The following SEC24B variants were observed in gnomAD, a reference collection of about 807,000 sequenced individuals.
SEC24B encodes SEC24 homolog B, COPII component.
Under a neutral mutation model 142.8 loss-of-function variants are expected in SEC24B, and 45 were observed. The ratio of observed to expected loss-of-function variants is 0.32; its 90% CI spans 0.25 to 0.40. SEC24B has a LOEUF of 0.40. Ranked by LOEUF, SEC24B falls within the 10% of genes least tolerant of loss-of-function variation. The pLI is 1.00. For synonymous variants in SEC24B, 574 were observed against 568.2 expected (o/e 1.01, Z -0.15); for missense variants, 1,409 against 1,526.8 (o/e 0.92, Z 1.29).
At chr4:109,485,998 A>G (rs1017691739) in intron 4 of SEC24B, among the ~76,000 whole-genome samples, 55 of 151,438 alleles carry the variant, frequency 3.6e-4, no homozygotes, top group African/African-American at 9.2e-4. Flanking sequence ...AAAGCTGAGG[A>G]AAAAAAAACA....
At chr4:109,520,936 G>A (rs1428499823) in intron 12 of SEC24B, among the ~76,000 whole-genome samples, 181 bp from the exon 13 acceptor site, 1 of 152,184 alleles carries the variant, frequency 6.6e-6, no homozygotes, top group Non-Finnish European at 1.5e-5. Flanking sequence ...AGGTTGCAGT[G>A]AGCCGAGATC....
intron 1 of SEC24B, among the ~76,000 whole-genome samples, chr4:109,461,044 A>G (rs866626921): frequency 6.6e-6 from 1 of 152,170 alleles, no homozygotes; most frequent in African/African-American, 2.4e-5. Context: ...CCTGGGGGAA[A>G]TACTTACAGC....
intron 2 of SEC24B, among the ~76,000 whole-genome samples, chr4:109,467,942 C>A (rs2125945820): frequency 6.6e-6 from 1 of 152,174 alleles, no homozygotes; most frequent in East Asian, 1.9e-4. Flanking sequence ...AGCCAAAAGG[C>A]CGAGAAGCGG....
chr4:109,519,558 C>T (rs1193287614), intron 11 of SEC24B, among the ~76,000 whole-genome samples: 2 of 152,206 alleles, frequency 1.3e-5, no homozygotes, highest in Non-Finnish European at 2.9e-5. Flanking sequence ...GTAGTCTCCT[C>T]TAGCCAGTAA....
At chr4:109,473,572 C>A (rs1021484996) in intron 3 of SEC24B, among the ~76,000 whole-genome samples, 1 of 152,046 alleles carries the variant, frequency 6.6e-6, no homozygotes, top group Non-Finnish European at 1.5e-5. Context: ...TATTTCTGTG[C>A]TTTTTGTTAT....
rs140072210 is a variant in SEC24B at position 109,475,855 on chromosome 4, C to T, written c.1060+2669C>T. On this transcript the variant is annotated intron_variant, in intron 3 of 23. Transcript: ENST00000265175. ...TTACACTAGAAACTCTTTTATCACT[C>T]TATTGTGCTTTTCCATGACCATAAT... Among the ~76,000 whole-genome samples the T allele has an allele frequency of 3.4e-3, 521 of 152,162 alleles. 3 individuals are homozygous for T. Among genetic ancestry groups the T allele is most frequent in the Non-Finnish European group, 6.2e-3 (423 of 68,020 alleles).
intron 22 of SEC24B, among the ~76,000 whole-genome samples, chr4:109,534,663 G>A (rs932638566): frequency 6.6e-6 from 1 of 152,128 alleles, no homozygotes; most frequent in African/African-American, 2.4e-5. Context: ...ATCTGAAAGC[G>A]CAAATATAAA....
intron 5 of SEC24B, among the ~76,000 whole-genome samples, chr4:109,493,607 G>A (rs551994119): frequency 2.0e-5 from 3 of 150,532 alleles, no homozygotes; most frequent in South Asian, 2.1e-4. Context: ...TGTTCTAGGA[G>A]CAGGACACTA....
chr4:109,450,385 C>T lies in SEC24B; in HGVS notation c.134-12516C>T, dbSNP rs116697973. Among the ~76,000 whole-genome samples the T allele has an allele frequency of 8.7e-3, 1,320 of 152,004 alleles. 23 individuals are homozygous for T. The highest frequency in any genetic ancestry group is 0.03 in the African/African-American group (1,259 of 41,424). On this transcript the variant is annotated intron_variant, in intron 1 of 23. Transcript: ENST00000265175. ...TCTCAAAATTTCACTCACAGCCAGG[C>T]GCGGTGGCTCACACCTATAATCCCA...
At chr4:109,448,452 A>G (rs1413743590) in intron 1 of SEC24B, among the ~76,000 whole-genome samples, 1 of 152,196 alleles carries the variant, frequency 6.6e-6, no homozygotes, top group Admixed American at 6.5e-5. Context: ...TTGCAAAGAT[A>G]TACAGAAAGT....
chr4:109,453,440 GCCCCCCCCCC>G lies in SEC24B; in HGVS notation c.134-9451_134-9442del, dbSNP rs57883927. Among the ~76,000 whole-genome samples, 2 of 41,078 alleles carry G rather than the reference GCCCCCCCCCC, an allele frequency of 4.9e-5. 1 individual carries two copies. The allele number at this position is 41,078 out of a possible 152,430, so 26.9% of individuals were successfully genotyped here. ...GACATTCCTAGGGTGGCCATTTTAG[GCCCCCCCCCC>G]CCCCCCCCCGAATGGCTGTTAATTA... On this transcript the variant is annotated intron_variant, in intron 1 of 23. Coordinates refer to ENST00000265175, the MANE Select transcript of SEC24B (RefSeq NM_006323.5).
chr4:109,526,662 C>T (rs1235178374), intron 17 of SEC24B, among the ~76,000 whole-genome samples: 1 of 152,070 alleles, frequency 6.6e-6, no homozygotes, highest in Non-Finnish European at 1.5e-5. Flanking sequence ...CCAGCTATGC[C>T]ATTCTTTGTA....
At chr4:109,474,145 G>A (rs777298529) in intron 3 of SEC24B, among the ~76,000 whole-genome samples, 12 of 152,204 alleles carry the variant, frequency 7.9e-5, no homozygotes, top group Non-Finnish European at 1.8e-4. Context: ...TTTAGGAAAA[G>A]TAACTGCAGC....
chr4:109,462,983 T>C lies in SEC24B; in HGVS notation c.216T>C (p.Ser72=). ...ATATTGCTCCCTCAGGACATTACTC[T>C]CAAGGACCTGGGAAAATGACCTCAT... ...QNYIAPSGHY[S]QGPGKMTSLP... Residue 72 remains serine (S), a synonymous_variant, in exon 2 of 24, where the codon TCT becomes TCC. Coordinates refer to ENST00000265175, the MANE Select transcript of SEC24B (RefSeq NM_006323.5). 1 of 1,614,052 alleles carries C rather than the reference T, an allele frequency of 6.2e-7. No individual in the cohort carries two copies. The highest frequency in any genetic ancestry group is 8.5e-7 in the Non-Finnish European group (1 of 1,180,012).
At chr4:109,473,923 A>G (rs1011007541) in intron 3 of SEC24B, among the ~76,000 whole-genome samples, 15 of 152,252 alleles carry the variant, frequency 9.9e-5, no homozygotes, top group African/African-American at 2.9e-4. Context: ...CAACCATTGT[A>G]TTATTTTAGG....
chr4:109,483,534 G>GTTTTA, intron 4 of SEC24B, among the ~76,000 whole-genome samples: 1 of 149,172 alleles, frequency 6.7e-6, no homozygotes, highest in Non-Finnish European at 1.5e-5. Flanking sequence ...TTTCACATTA[G>GTTTTA]GGACTCTCAA....
intron 2 of SEC24B, among the ~76,000 whole-genome samples, chr4:109,465,435 C>T (rs1731761104): frequency 6.6e-6 from 1 of 150,940 alleles, no homozygotes; most frequent in East Asian, 1.9e-4. Flanking sequence ...GAAAGTTATC[C>T]AAGTTGAATT....
chr4:109,530,974 C>T (rs1480084045), intron 19 of SEC24B, among the ~76,000 whole-genome samples: 1 of 148,162 alleles, frequency 6.7e-6, no homozygotes, highest in African/African-American at 2.5e-5. Flanking sequence ...TTTAGTGAAA[C>T]CATATTCTCT....
intron 1 of SEC24B, among the ~76,000 whole-genome samples, chr4:109,444,214 CAAA>C (rs539104834): frequency 1.4e-4 from 11 of 80,160 alleles, no homozygotes; most frequent in Admixed American, 1.6e-4. Flanking sequence ...AACTCCATCT[CAAA>C]AAAAAAAAAA....
Sources: gnomAD v4.1 joint callset for allele counts (sites outside exome capture counted in the v4.1 genomes callset) on GRCh38, gnomAD v4.1.1 for gene constraint, MANE v1.5 for transcripts, NCBI Gene and HGNC (gene_info 2026-07-23, HGNC 2026-07-21) for gene names.